The following TANC2 variants were observed in gnomAD, a reference collection of about 807,000 sequenced individuals.
TANC2 encodes the protein tetratricopeptide repeat, ankyrin repeat and coiled-coil containing 2.
In TANC2, 26 loss-of-function variants were observed where a neutral mutation model predicts 210.5. The observed-to-expected ratio is 0.12, with a 90% confidence interval of 0.09 to 0.17. TANC2 has a LOEUF of 0.17. TANC2 is among the 10% of genes least tolerant of loss of function. The pLI, the probability that TANC2 is intolerant of heterozygous loss-of-function variation, is 1.00. For synonymous variants in TANC2, 931 were observed against 967.1 expected, an observed-to-expected ratio of 0.96 and a Z score of 0.69; for missense variants, 2,129 against 2,608.9, an observed-to-expected ratio of 0.82 and a Z score of 4.01.
At chr17:63,115,699 T>C (rs1432993893) in intron 4 of TANC2, among the ~76,000 whole-genome samples, 7 of 152,240 alleles carry the variant, frequency 4.6e-5, no homozygotes, top group Admixed American at 2.0e-4. Context: ...TTTGCTGTTT[T>C]GCTTAGATAC....
chr17:63,075,897 G>A (rs761392183), intron 3 of TANC2, among the ~76,000 whole-genome samples: 3 of 152,154 alleles, frequency 2.0e-5, no homozygotes, highest in Non-Finnish European at 4.4e-5. Flanking sequence ...GATGGGATGA[G>A]TATAAAACGT....
At chr17:63,221,550 A>T (rs969184243) in intron 7 of TANC2, among the ~76,000 whole-genome samples, 3 of 152,190 alleles carry the variant, frequency 2.0e-5, no homozygotes. Context: ...TAAGTGAAGA[A>T]TCCTCACAGC....
chr17:63,063,059 C>T (rs2036052884), intron 2 of TANC2, among the ~76,000 whole-genome samples: 1 of 152,212 alleles, frequency 6.6e-6, no homozygotes, highest in Non-Finnish European at 1.5e-5. Flanking sequence ...CAACCCCTTC[C>T]TCAGGTTTGA....
intron 8 of TANC2, among the ~76,000 whole-genome samples, chr17:63,241,665 C>A (rs967375789): frequency 6.6e-6 from 1 of 152,098 alleles, no homozygotes; most frequent in African/African-American, 2.4e-5. Context: ...AAAATCTTAC[C>A]CTGGCGTTGG....
chr17:63,124,139 T>C (rs1436543844), intron 4 of TANC2, among the ~76,000 whole-genome samples: 2 of 152,144 alleles, frequency 1.3e-5, no homozygotes, highest in Admixed American at 6.5e-5. Flanking sequence ...CCTAATCTTA[T>C]TTATGAAGAA....
intron 7 of TANC2, among the ~76,000 whole-genome samples, chr17:63,212,625 C>G (rs920704812): frequency 1.3e-5 from 2 of 152,158 alleles, no homozygotes; most frequent in African/African-American, 2.4e-5. Flanking sequence ...GAAACAGGGT[C>G]TCACTATATT....
At chr17:63,387,642 C>G (rs887196780) in intron 15 of TANC2, among the ~76,000 whole-genome samples, 16 of 152,182 alleles carry the variant, frequency 1.1e-4, no homozygotes, top group Admixed American at 7.9e-4. Flanking sequence ...TCTTCCTGCC[C>G]TCAGGATTTC....
intron 2 of TANC2, among the ~76,000 whole-genome samples, chr17:63,062,620 G>A (rs971093381): frequency 6.6e-6 from 1 of 151,950 alleles, no homozygotes; most frequent in East Asian, 1.9e-4. Flanking sequence ...TGCCAGTTTC[G>A]TGGTCTGTCA....
intron 19 of TANC2, among the ~76,000 whole-genome samples, chr17:63,401,589 T>C (rs932803799): frequency 6.6e-6 from 1 of 152,244 alleles, no homozygotes; most frequent in African/African-American, 2.4e-5. Context: ...CCTGGTTGCT[T>C]TCATCTTCCA....
intron 1 of TANC2, among the ~76,000 whole-genome samples, chr17:62,990,806 G>A (rs1402178855): frequency 1.3e-5 from 2 of 152,102 alleles, no homozygotes; most frequent in African/African-American, 2.4e-5. Flanking sequence ...TAGGTCTGTA[G>A]GTTTGTTGGT....
intron 7 of TANC2, among the ~76,000 whole-genome samples, chr17:63,215,772 C>T (rs1010637946): frequency 3.3e-5 from 5 of 151,054 alleles, no homozygotes; most frequent in Non-Finnish European, 5.9e-5. Flanking sequence ...TTTTCTGAGA[C>T]GGAGTCTCAC....
chr17:63,421,315 T>C lies in TANC2; in HGVS notation c.5585T>C (p.Val1862Ala). ...AGGCCGTTGCTGCATTCCCAAAGTG[T>C]AGGCCTTCGCTTCTCTCCATCTAGC... Residue 1862 changes from valine to alanine, a missense_variant, in exon 28 of 28, where the codon GTA becomes GCA. Val to Ala is a moderately conservative substitution (Grantham distance 64). Coordinates refer to ENST00000689528, the Ensembl canonical transcript of TANC2. This position sits in a 1 kb window ranked among gnomAD's most constrained non-coding sequence, Gnocchi z 6.9. 1 of 1,614,016 alleles carries C rather than the reference T, an allele frequency of 6.2e-7. No homozygotes were observed. Among genetic ancestry groups the C allele is most frequent in the African/African-American group, 1.3e-5 (1 of 75,040 alleles).
rs1169259865 is a variant in TANC2 at position 63,291,727 on chromosome 17, A to G, written c.1160-22661A>G. On this transcript the variant is annotated intron_variant, in intron 9 of 27. Coordinates refer to ENST00000689528, the Ensembl canonical transcript of TANC2. ...GGTTCTGATTAAGGACTTAACATACATTTCCTCGTTTAACCTTATCAGGTA... is the reference window on the plus strand; with the variant it reads ...GGTTCTGATTAAGGACTTAACATACGTTTCCTCGTTTAACCTTATCAGGTA... Among the ~76,000 whole-genome samples the G allele has an allele frequency of 2.0e-5, 3 of 152,186 alleles. No homozygotes were observed. The East Asian group carries it at 5.8e-4, about 29-fold the overall frequency.
At chr17:63,250,196 A>G (rs1161117264) in intron 8 of TANC2, among the ~76,000 whole-genome samples, 3 of 151,904 alleles carry the variant, frequency 2.0e-5, no homozygotes, top group African/African-American at 7.3e-5. Flanking sequence ...TTTGTTATAG[A>G]TTTGTTTTTC....
At chr17:62,999,375 C>G (rs2033265790) in intron 1 of TANC2, among the ~76,000 whole-genome samples, 1 of 152,168 alleles carries the variant, frequency 6.6e-6, no homozygotes. Context: ...TATAAATTAC[C>G]TAGACTCAGG....
intron 2 of TANC2, among the ~76,000 whole-genome samples, chr17:63,019,050 G>A (rs1245820798): frequency 6.6e-6 from 1 of 151,978 alleles, no homozygotes; most frequent in Non-Finnish European, 1.5e-5. Flanking sequence ...TATTTCTCTA[G>A]GGCAAATGTC....
intron 4 of TANC2, among the ~76,000 whole-genome samples, chr17:63,129,599 C>T (rs2038844003): frequency 6.6e-6 from 1 of 152,086 alleles, no homozygotes; most frequent in South Asian, 2.1e-4. Context: ...TGGTGGTGCA[C>T]ACCTGTAGTC....
intron 8 of TANC2, among the ~76,000 whole-genome samples, chr17:63,241,764 T>C (rs941066063): frequency 2.6e-5 from 4 of 152,224 alleles, no homozygotes; most frequent in African/African-American, 7.2e-5. Flanking sequence ...TTTTAGACTT[T>C]ATGAAAGTTT....
intron 4 of TANC2, among the ~76,000 whole-genome samples, chr17:63,104,738 A>G (rs1189506738): frequency 6.6e-6 from 1 of 152,168 alleles, no homozygotes; most frequent in Non-Finnish European, 1.5e-5. Flanking sequence ...CGGAAGTGGG[A>G]GAGGGATGAC....
Sources: allele counts gnomAD v4.1 joint callset (sites outside exome capture counted in the v4.1 genomes callset), GRCh38; gene constraint gnomAD v4.1.1; non-coding constraint Gnocchi (gnomAD v3.1); transcripts MANE v1.5; gene names NCBI Gene and HGNC (gene_info 2026-07-23, HGNC 2026-07-21).